The following POFUT3 variants were observed in gnomAD, a reference collection of about 807,000 sequenced individuals.
POFUT3 encodes protein O-fucosyltransferase 3.
At chr8:33,311,981 A>G in the POFUT3 span, among the ~76,000 whole-genome samples, 1 of 152,124 alleles carries the variant, frequency 6.6e-6, no homozygotes, top group African/African-American at 2.4e-5. Context: ...GAAGAGAGAA[A>G]TTTGGCCAGG....
chr8:33,409,085 A>G, the POFUT3 span, among the ~76,000 whole-genome samples: 3 of 152,062 alleles, frequency 2.0e-5, no homozygotes, highest in African/African-American at 7.2e-5. Flanking sequence ...TCAAAGATCT[A>G]TGGTCATTTT....
the POFUT3 span, among the ~76,000 whole-genome samples, chr8:33,456,260 A>G: frequency 6.6e-6 from 1 of 152,370 alleles, no homozygotes; most frequent in Admixed American, 6.5e-5. Context: ...TTTCAGATCA[A>G]TATCTACTAT....
At chr8:33,443,742 C>T in the POFUT3 span, among the ~76,000 whole-genome samples, 1 of 152,138 alleles carries the variant, frequency 6.6e-6, no homozygotes, top group East Asian at 1.9e-4. Context: ...ATCCACCCTC[C>T]TCAGCCTCCC....
At chr8:33,380,194 T>C in the POFUT3 span, among the ~76,000 whole-genome samples, 1 of 62,664 alleles carries the variant, frequency 1.6e-5, no homozygotes, top group Non-Finnish European at 2.7e-5. Context: ...ATATACTATA[T>C]ATATATACTA....
At chr8:33,436,327 C>T in the POFUT3 span, 2 of 1,329,878 alleles carry the variant, frequency 1.5e-6, no homozygotes. Context: ...GTCTCCACTG[C>T]ATCCTCTGCC....
At chr8:33,370,169 T>TAAAAAAAAAAAA in the POFUT3 span, among the ~76,000 whole-genome samples, 3 of 39,896 alleles carry the variant, frequency 7.5e-5, no homozygotes, top group Non-Finnish European at 1.1e-4. Flanking sequence ...CCATCTTTAC[T>TAAAAAAAAAAAA]AAAAAAAAAA....
chr8:33,352,361 G>T, the POFUT3 span, among the ~76,000 whole-genome samples: 2 of 152,162 alleles, frequency 1.3e-5, no homozygotes, highest in African/African-American at 4.8e-5. Context: ...CTTAAACGGG[G>T]CTTTATTTCC....
chr8:33,410,905 G>A, the POFUT3 span, among the ~76,000 whole-genome samples: 3 of 152,078 alleles, frequency 2.0e-5, no homozygotes, highest in Non-Finnish European at 4.4e-5. Flanking sequence ...GTCTGCCCAG[G>A]CCAGACCCTC....
chr8:33,355,058 A>G, the POFUT3 span, among the ~76,000 whole-genome samples: 1 of 152,340 alleles, frequency 6.6e-6, no homozygotes, highest in Admixed American at 6.5e-5. Context: ...AAATGGAAAT[A>G]CTTTTGGATG....
chr8:33,447,675 A>T, the POFUT3 span, among the ~76,000 whole-genome samples: 34 of 96,852 alleles, frequency 3.5e-4, no homozygotes, highest in Non-Finnish European at 6.6e-4. Flanking sequence ...CTCTAGGAAG[A>T]AGGAAAAACA....
chr8:33,380,163 CTATATATATAT>C, the POFUT3 span, among the ~76,000 whole-genome samples: 1 of 44,168 alleles, frequency 2.3e-5, no homozygotes, highest in Admixed American at 3.1e-4. Flanking sequence ...TATATATATA[CTATATATATAT>C]ACTATATATA....
At chr8:33,439,395 T>G in the POFUT3 span, among the ~76,000 whole-genome samples, 1 of 151,912 alleles carries the variant, frequency 6.6e-6, no homozygotes, top group African/African-American at 2.4e-5. Context: ...AGAGTAAGAC[T>G]TAGTCTCAAA....
At chr8:33,470,452 G>A in the POFUT3 span, among the ~76,000 whole-genome samples, 3 of 151,990 alleles carry the variant, frequency 2.0e-5, no homozygotes, top group East Asian at 5.8e-4. Flanking sequence ...TGGGGTGACA[G>A]CACAAGACTA....
At chr8:33,449,594 T>C in the POFUT3 span, among the ~76,000 whole-genome samples, 1 of 151,694 alleles carries the variant, frequency 6.6e-6, no homozygotes, top group Non-Finnish European at 1.5e-5. Flanking sequence ...CTGGCCTGAG[T>C]TGACTTTTAA....
At chr8:33,325,958 G>A in the POFUT3 span, among the ~76,000 whole-genome samples, 91 of 152,272 alleles carry the variant, frequency 6.0e-4, no homozygotes, top group Non-Finnish European at 1.0e-3. Flanking sequence ...GCACGGTTTG[G>A]TGCAGTTGTT....
the POFUT3 span, among the ~76,000 whole-genome samples, chr8:33,387,699 G>T: frequency 6.6e-6 from 1 of 152,156 alleles, no homozygotes; most frequent in South Asian, 2.1e-4. Context: ...AGCTACTCAG[G>T]ATGCTGAGGC....
At chr8:33,316,575 AGAAAG>A in the POFUT3 span, among the ~76,000 whole-genome samples, 6 of 149,670 alleles carry the variant, frequency 4.0e-5, no homozygotes, top group Non-Finnish European at 4.4e-5. Context: ...ACAAAAAAAA[AGAAAG>A]AAAGAAAGAA....
At chr8:33,430,274 G>T in the POFUT3 span, among the ~76,000 whole-genome samples, 1 of 152,130 alleles carries the variant, frequency 6.6e-6, no homozygotes, top group East Asian at 1.9e-4. Context: ...ATCAAAAATG[G>T]TCCTTTCATC....
At chr8:33,439,282 A>T in the POFUT3 span, among the ~76,000 whole-genome samples, 1 of 152,084 alleles carries the variant, frequency 6.6e-6, no homozygotes, top group South Asian at 2.1e-4. Context: ...GTGTGCCTGT[A>T]ATCCCAGCTA....
Sources: gnomAD v4.1 joint callset for allele counts (sites outside exome capture counted in the v4.1 genomes callset) on GRCh38, gnomAD v4.1.1 for gene constraint, MANE v1.5 for transcripts, NCBI Gene and HGNC (gene_info 2026-07-23, HGNC 2026-07-21) for gene names.